Variants in GNAS-AS1 observed in about 807,000 individuals in gnomAD.
The protein encoded by GNAS-AS1 is GNAS antisense RNA 1 (non-protein coding).
At chr20:58,835,814 C>T (rs1219882778) in intron 4 of GNAS-AS1, among the ~76,000 whole-genome samples, 3 of 152,154 alleles carry the variant, frequency 2.0e-5, no homozygotes, top group South Asian at 4.2e-4. Flanking sequence ...TTGTAATTTC[C>T]GAGACAGCTC....
Position 58,841,379 on chromosome 20 carries a change from A to G in GNAS-AS1, n.819+558T>C, listed in dbSNP as rs2085719316. ...GTAGAGACACCGTTGAAATGTGCGG[A>G]AAGTAATCTGAATGGGAATGGGCGA... On this transcript the variant is annotated intron_variant and non_coding_transcript_variant, in intron 4 of 4. Transcript: ENST00000424094. The surrounding 1 kb of genome is among the most constrained non-coding windows in gnomAD (Gnocchi z 5.0). 9.8e-7 allele frequency: 1 copy of G among 1,016,660 alleles called. No homozygotes were observed. Among genetic ancestry groups the G allele is most frequent in the Non-Finnish European group, 1.2e-6 (1 of 848,724 alleles). 63.0% of individuals were successfully genotyped at this position (1,016,660 alleles called of 1,614,324 possible).
intron 4 of GNAS-AS1, among the ~76,000 whole-genome samples, chr20:58,827,880 C>T (rs867207038): frequency 2.4e-4 from 36 of 152,310 alleles, no homozygotes; most frequent in South Asian, 4.1e-4. Context: ...TTAGCCTTAG[C>T]TTTATCGAAT....
At chr20:58,823,505 ATGTCCGCCACAGC>A (rs1233400203) in intron 4 of GNAS-AS1, among the ~76,000 whole-genome samples, 2 of 152,146 alleles carry the variant, frequency 1.3e-5, no homozygotes, top group Non-Finnish European at 2.9e-5. Flanking sequence ...GCATGCGGTG[ATGTCCGCCACAGC>A]TGTCCTCCAT....
chr20:58,830,347 A>AC (rs2085551073), intron 4 of GNAS-AS1, among the ~76,000 whole-genome samples: 3 of 97,924 alleles, frequency 3.1e-5, no homozygotes, highest in Non-Finnish European at 6.1e-5. Flanking sequence ...CATCACCACC[A>AC]CACCACCATC....
chr20:58,828,582 C>T (rs2085535043), intron 4 of GNAS-AS1, among the ~76,000 whole-genome samples: 1 of 152,210 alleles, frequency 6.6e-6, no homozygotes, highest in Non-Finnish European at 1.5e-5. Flanking sequence ...CTCTCCAGTG[C>T]CATCCAGCTC....
chr20:58,825,747 T>C (rs1469338353), intron 4 of GNAS-AS1, among the ~76,000 whole-genome samples: 4 of 152,234 alleles, frequency 2.6e-5, no homozygotes, highest in African/African-American at 9.6e-5. Flanking sequence ...AACTGTAGTC[T>C]CTGCCAACAA....
At position 58,840,479 on chromosome 20, in the gene GNAS-AS1, T is replaced by G. The variant is rs775455733; in HGVS notation, n.819+1458A>C. On this transcript the variant is annotated intron_variant and non_coding_transcript_variant, in intron 4 of 4. Transcript: ENST00000424094. The surrounding 1 kb of genome is among the most constrained non-coding windows in gnomAD (Gnocchi z 6.0). ...GTCCGAAATCGAGTCCGAGACCGACTTCGAGACCGAGCCTGAGACCGCCCC... is the reference window on the plus strand; with the variant it reads ...GTCCGAAATCGAGTCCGAGACCGACGTCGAGACCGAGCCTGAGACCGCCCC... The G allele has an allele frequency of 5.0e-6, 8 of 1,613,064 alleles. No individual in the cohort carries two copies. The highest frequency in any genetic ancestry group is 2.5e-6 in the Non-Finnish European group (3 of 1,179,870).
At position 58,839,201 on chromosome 20, in the gene GNAS-AS1, A is replaced by G. The variant is rs560058088; in HGVS notation, n.819+2736T>C. 7.5e-6 allele frequency: 3 copies of G among 398,650 alleles called. No homozygotes were observed. In the South Asian group the frequency reaches 3.8e-4, roughly 51 times the overall value. 24.7% of individuals were successfully genotyped at this position (398,650 alleles called of 1,614,324 possible). ...TTGAAGAAGATGAGGTAATTAGCCAATTCAGACTGTTTGAGCACGTATTGT... is the reference window on the plus strand; with the variant it reads ...TTGAAGAAGATGAGGTAATTAGCCAGTTCAGACTGTTTGAGCACGTATTGT... On this transcript the variant is annotated intron_variant and non_coding_transcript_variant, in intron 4 of 4. Coordinates refer to ENST00000424094, the Ensembl canonical transcript of GNAS-AS1.
At chr20:58,825,400 G>A (rs1422350407) in intron 4 of GNAS-AS1, among the ~76,000 whole-genome samples, 1 of 152,204 alleles carries the variant, frequency 6.6e-6, no homozygotes, top group Non-Finnish European at 1.5e-5. Flanking sequence ...GGATCAAGGA[G>A]GTGCTCAGGG....
intron 4 of GNAS-AS1, among the ~76,000 whole-genome samples, chr20:58,823,735 C>A (rs2145450889): frequency 6.6e-6 from 1 of 152,328 alleles, no homozygotes; most frequent in African/African-American, 2.4e-5. Flanking sequence ...CTGAAAATGT[C>A]CACTCTGACT....
chr20:58,836,303 T>C (rs990081900), intron 4 of GNAS-AS1: 7 of 152,224 alleles, frequency 4.6e-5, no homozygotes, highest in Non-Finnish European at 1.0e-4. Context: ...CCATGTCAGA[T>C]TCTTCTTTGG....
intron 4 of GNAS-AS1, among the ~76,000 whole-genome samples, chr20:58,838,218 G>A (rs1039166764): frequency 1.3e-5 from 2 of 152,176 alleles, no homozygotes; most frequent in African/African-American, 2.4e-5. Context: ...GGGCCAGACT[G>A]AAGACACGCA....
At chr20:58,821,427 C>G (rs1289747604) in intron 4 of GNAS-AS1, among the ~76,000 whole-genome samples, 1 of 152,232 alleles carries the variant, frequency 6.6e-6, no homozygotes. Flanking sequence ...GAGTTCAAAT[C>G]CGGACTCCAC....
At chr20:58,839,706 G>C (rs1006487792) in intron 4 of GNAS-AS1, 1 of 468,954 alleles carries the variant, frequency 2.1e-6, no homozygotes, top group African/African-American at 2.0e-5. Context: ...AAGTCCGGGC[G>C]CGCAACTTCG....
At chr20:58,843,207 T>A (rs1280134253) in intron 2 of GNAS-AS1, 1 of 79,118 alleles carries the variant, frequency 1.3e-5, no homozygotes, top group Non-Finnish European at 2.5e-5. Context: ...CCCCGCTCAA[T>A]TCTCCTCCCC....
intron 4 of GNAS-AS1, chr20:58,826,852 A>G (rs1239454032): frequency 1.6e-5 from 2 of 121,606 alleles, no homozygotes; most frequent in African/African-American, 6.1e-5. Flanking sequence ...GGCGCGCGCC[A>G]CCATGCCTGG....
chr20:58,849,962 C>T (rs1347415733), intron 1 of GNAS-AS1, among the ~76,000 whole-genome samples: 1 of 152,220 alleles, frequency 6.6e-6, no homozygotes, highest in Non-Finnish European at 1.5e-5. Context: ...AGTGCTTGCC[C>T]TCATACTCCA....
chr20:58,848,879 C>T (rs1353125878), exon 2 of GNAS-AS1: 1 of 398,482 alleles, frequency 2.5e-6, no homozygotes, highest in Non-Finnish European at 4.4e-6. Context: ...CTCCACTCAC[C>T]TAAAGGACTT....
chr20:58,839,840 C>A, intron 4 of GNAS-AS1: 1 of 595,704 alleles, frequency 1.7e-6, no homozygotes, highest in Middle Eastern at 4.5e-4. Flanking sequence ...GAGAGGAGCC[C>A]GGGAGGAGAC....
Sources: allele counts gnomAD v4.1 joint callset (sites outside exome capture counted in the v4.1 genomes callset), GRCh38; gene constraint gnomAD v4.1.1; non-coding constraint Gnocchi (gnomAD v3.1); transcripts MANE v1.5; gene names NCBI Gene and HGNC (gene_info 2026-07-23, HGNC 2026-07-21).